The following DYRK1A variants were observed in gnomAD, a reference collection of about 807,000 sequenced individuals.
DYRK1A encodes dual specificity tyrosine-phosphorylation-regulated kinase 1A.
In DYRK1A, 9 loss-of-function variants were observed where a neutral mutation model predicts 79.7. The observed-to-expected ratio is 0.11, with a 90% CI of 0.07 to 0.20. The LOEUF (loss-of-function observed/expected upper bound fraction) is 0.20. Ranked by LOEUF, DYRK1A falls within the 10% of genes least tolerant of loss-of-function variation. The pLI is 1.00. For synonymous variants in DYRK1A, 349 were observed against 329.7 expected (o/e 1.06, Z -0.63); for missense variants, 622 against 956.0 (o/e 0.65, Z 4.61).
chr21:37,368,868 G>C (rs1033481858), intron 1 of DYRK1A, among the ~76,000 whole-genome samples: 11 of 152,312 alleles, frequency 7.2e-5, no homozygotes, highest in Non-Finnish European at 1.3e-4. Context: ...CTAGAGATGT[G>C]TCCCCGTAAG....
intron 11 of DYRK1A, among the ~76,000 whole-genome samples, chr21:37,508,109 AAT>A (rs930542538): frequency 2.0e-5 from 3 of 152,154 alleles, no homozygotes; most frequent in Admixed American, 2.0e-4. Context: ...TCAGACAGTA[AAT>A]TATCTGGATT....
At chr21:37,440,153 T>G (rs1439822833) in intron 2 of DYRK1A, among the ~76,000 whole-genome samples, 1 of 122,050 alleles carries the variant, frequency 8.2e-6, no homozygotes, top group African/African-American at 3.1e-5. Flanking sequence ...TTTTTTTTTT[T>G]GAGACGGAGT....
intron 2 of DYRK1A, among the ~76,000 whole-genome samples, chr21:37,446,175 A>G (rs1323147315): frequency 1.3e-5 from 2 of 152,114 alleles, no homozygotes; most frequent in South Asian, 2.1e-4. Context: ...AGAACATGCT[A>G]CAACTGCAAG....
chr21:37,463,203 C>CGT (rs6147501), intron 2 of DYRK1A, among the ~76,000 whole-genome samples: 4,692 of 145,334 alleles, frequency 0.032, 99 homozygotes, highest in African/African-American at 0.039. Flanking sequence ...AATGTTGGCA[C>CGT]GTGTGTGTGT....
intron 2 of DYRK1A, among the ~76,000 whole-genome samples, chr21:37,453,207 TA>T (rs936849010): frequency 8.5e-5 from 13 of 152,224 alleles, no homozygotes; most frequent in East Asian, 1.9e-4. Context: ...CAATTTATAA[TA>T]AAAAAAATTG....
chr21:37,403,811 T>TC (rs1224005195), intron 1 of DYRK1A, among the ~76,000 whole-genome samples: 3 of 151,440 alleles, frequency 2.0e-5, no homozygotes, highest in Non-Finnish European at 2.9e-5. Context: ...TTTTTTTTTT[T>TC]CTTCTCCTAA....
At chr21:37,411,846 A>G (rs1393653103) in intron 1 of DYRK1A, among the ~76,000 whole-genome samples, 1 of 152,216 alleles carries the variant, frequency 6.6e-6, no homozygotes, top group Non-Finnish European at 1.5e-5. Context: ...TTTTTCCTGC[A>G]CATAACTACT....
intron 11 of DYRK1A, among the ~76,000 whole-genome samples, chr21:37,511,075 CTAGTACACT>C (rs2053736371): frequency 6.6e-6 from 1 of 152,116 alleles, no homozygotes; most frequent in Non-Finnish European, 1.5e-5. Flanking sequence ...CAGCGTGTTA[CTAGTACACT>C]GAGGCATTTG....
chr21:37,413,931 A>G (rs990685004), intron 1 of DYRK1A, among the ~76,000 whole-genome samples: 3 of 152,166 alleles, frequency 2.0e-5, no homozygotes, highest in Admixed American at 1.3e-4. Context: ...AAGATTTAAA[A>G]TTCATGCTAG....
chr21:37,398,299 A>C (rs1461988970), intron 1 of DYRK1A, among the ~76,000 whole-genome samples: 1 of 150,548 alleles, frequency 6.6e-6, no homozygotes, highest in East Asian at 1.9e-4. Context: ...GTAGGATTGC[A>C]CCTCTGCCTT....
chr21:37,476,650 C>T (rs1418758329), intron 3 of DYRK1A, among the ~76,000 whole-genome samples: 1 of 152,112 alleles, frequency 6.6e-6, no homozygotes, highest in East Asian at 1.9e-4. Context: ...CGTTTATTAC[C>T]CATATTAATT....
intron 2 of DYRK1A, among the ~76,000 whole-genome samples, chr21:37,442,139 T>C (rs1362361891): frequency 6.6e-6 from 1 of 152,128 alleles, no homozygotes; most frequent in African/African-American, 2.4e-5. Flanking sequence ...TTTTAAGATT[T>C]TTCTGTTTAT....
In DYRK1A at chr21:37,417,529, C is replaced by CTTTTTCTTTTTCTTTTTCTTTTTCTTTT. The variant is rs1555959239; in HGVS notation, c.-76-2765_-76-2764insCTTTTTCTTTTTCTTTTTCTTTTTTTTT. Reference sequence around the variant, plus strand: ...TTCTTTTCTTTTTCTTTTTCTTTTTCTTTTTTTTTTTTTTTTTTTTTTTTT... The same window carrying CTTTTTCTTTTTCTTTTTCTTTTTCTTTT: ...TTCTTTTCTTTTTCTTTTTCTTTTTCTTTTTCTTTTTCTTTTTCTTTTTCTTTTTTTTTTTTTTTTTTTTTTTTTTTTT... On this transcript the variant is annotated intron_variant, in intron 1 of 11. Transcript: ENST00000647188. 2.7e-3 allele frequency among the ~76,000 whole-genome samples: 117 copies of CTTTTTCTTTTTCTTTTTCTTTTTCTTTT among 43,994 alleles called. 1 individual carries two copies. Among genetic ancestry groups the CTTTTTCTTTTTCTTTTTCTTTTTCTTTT allele is most frequent in the Non-Finnish European group, 3.9e-3 (100 of 25,730 alleles). 28.9% of individuals were successfully genotyped at this position (43,994 alleles called of 152,430 possible).
rs376151643 is a variant in DYRK1A at position 37,418,265 on chromosome 21, A to G, written c.-76-2034A>G. ...GCATATGATGGTTTGGTTGCTGTAT[A>G]AGTCAGCAGAAAATTATGTAACTCA... On this transcript the variant is annotated intron_variant, in intron 1 of 11. Transcript: ENST00000647188. Among the ~76,000 whole-genome samples the G allele has an allele frequency of 1.4e-4, 22 of 152,288 alleles. No homozygotes were observed. In the East Asian group the frequency reaches 4.0e-3, roughly 28 times the overall value.
At chr21:37,392,114 C>G (rs949578034) in intron 1 of DYRK1A, among the ~76,000 whole-genome samples, 1 of 152,126 alleles carries the variant, frequency 6.6e-6, no homozygotes, top group Non-Finnish European at 1.5e-5. Context: ...GTTTGTGTGC[C>G]TGTATGTGAC....
chr21:37,377,142 C>T (rs374381921), intron 1 of DYRK1A, among the ~76,000 whole-genome samples: 5 of 152,106 alleles, frequency 3.3e-5, no homozygotes, highest in African/African-American at 9.7e-5. Context: ...GTTTTTGAGA[C>T]GGAGTCTCGC....
rs1199584818 is a variant in DYRK1A at position 37,516,374 on chromosome 21, CAG to C, written c.*3844_*3845del. ...CCAGACGTTGGAAAACCTTTGGTGT[CAG>C]GGAGAGTAGAGGAGAAGTTCTGATT... is the stretch of plus-strand genomic sequence containing the variant. On this transcript the variant is annotated 3_prime_UTR_variant, in exon 12 of 12. Coordinates refer to ENST00000647188, the MANE Select transcript of DYRK1A (RefSeq NM_001347721.2). 6.6e-6 allele frequency: 1 copy of C among 152,192 alleles called. No homozygotes were observed. The highest frequency in any genetic ancestry group is 1.5e-5 in the Non-Finnish European group (1 of 68,032). The allele number at this position is 152,192 out of a possible 1,614,324, so 9.4% of individuals were successfully genotyped here.
chr21:37,423,112 G>T (rs2050521370), intron 2 of DYRK1A, among the ~76,000 whole-genome samples: 1 of 152,128 alleles, frequency 6.6e-6, no homozygotes, highest in South Asian at 2.1e-4. Flanking sequence ...AGGCAGTGGA[G>T]GTTTTTGATA....
chr21:37,433,129 AT>A (rs2050826501), intron 2 of DYRK1A, among the ~76,000 whole-genome samples: 1 of 151,370 alleles, frequency 6.6e-6, no homozygotes, highest in Non-Finnish European at 1.5e-5. Context: ...TTAATTTCTG[AT>A]TCTAAAAGTA....
Sources: gnomAD v4.1 joint callset for allele counts (sites outside exome capture counted in the v4.1 genomes callset) on GRCh38, gnomAD v4.1.1 for gene constraint, MANE v1.5 for transcripts, NCBI Gene and HGNC (gene_info 2026-07-23, HGNC 2026-07-21) for gene names.